The following CPXM2 variants were observed in gnomAD, a reference collection of about 807,000 sequenced individuals.
CPXM2 encodes carboxypeptidase X, M14 family member 2, also known as inactive carboxypeptidase-like protein X2.
In CPXM2, 66 loss-of-function variants were observed where a neutral mutation model predicts 86.1. The ratio of observed to expected loss-of-function variants is 0.77; its 90% CI spans 0.63 to 0.94. The LOEUF (loss-of-function observed/expected upper bound fraction) is 0.94. CPXM2 is among the 40% of genes least tolerant of loss of function. The pLI, the probability that CPXM2 is intolerant of heterozygous loss-of-function variation, is 0.00. For missense variants in CPXM2, 948 were observed against 1,026.3 expected (o/e 0.92, Z 1.04); for synonymous variants, 388 against 400.2 (o/e 0.97, Z 0.36).
At chr10:123,910,605 A>G (rs1047176421) in intron 2 of CPXM2, among the ~76,000 whole-genome samples, 1 of 152,188 alleles carries the variant, frequency 6.6e-6, no homozygotes, top group African/African-American at 2.4e-5. Context: ...ATCAGTTACT[A>G]GACATTTGCA....
chr10:123,925,294 C>T (rs1945614077), intron 2 of CPXM2, among the ~76,000 whole-genome samples: 1 of 152,068 alleles, frequency 6.6e-6, no homozygotes, highest in Non-Finnish European at 1.5e-5. Flanking sequence ...GGCTTGAAAG[C>T]TTGCTCAGTT....
chr10:123,869,776 CTCA>C (rs911739655), intron 2 of CPXM2, among the ~76,000 whole-genome samples: 11 of 151,862 alleles, frequency 7.2e-5, no homozygotes, highest in South Asian at 6.2e-4. Flanking sequence ...TTCATTAGTC[CTCA>C]TCATCATCAT....
intron 2 of CPXM2, among the ~76,000 whole-genome samples, chr10:123,930,203 C>T (rs76951710): frequency 6.6e-6 from 1 of 151,846 alleles, no homozygotes; most frequent in Non-Finnish European, 1.5e-5. Context: ...CCTGAGTACA[C>T]GTGGGCCCTG....
At chr10:123,843,246 C>T (rs1346236988) in intron 3 of CPXM2, 4 of 455,018 alleles carry the variant, frequency 8.8e-6, no homozygotes, top group Non-Finnish European at 1.3e-5. Context: ...ACCACCATGC[C>T]CTGCTCCAAA....
intron 2 of CPXM2, among the ~76,000 whole-genome samples, chr10:123,868,357 A>G (rs568313108): frequency 6.6e-6 from 1 of 152,328 alleles, no homozygotes; most frequent in East Asian, 1.9e-4. Flanking sequence ...TGAGGCAATC[A>G]GCAGCCAGAC....
chr10:123,811,889 A>C (rs1419727230), intron 4 of CPXM2, among the ~76,000 whole-genome samples: 1 of 152,230 alleles, frequency 6.6e-6, no homozygotes, highest in Admixed American at 6.5e-5. Flanking sequence ...CATCAGTGAA[A>C]GATAATGCTT....
chr10:123,752,397 A>G, intron 13 of CPXM2: 1 of 984,800 alleles, frequency 1.0e-6, no homozygotes, highest in Non-Finnish European at 1.2e-6. Context: ...AGAAATCAGT[A>G]ACTAGATGGG....
intron 6 of CPXM2, among the ~76,000 whole-genome samples, chr10:123,794,312 A>T (rs2134059149): frequency 6.6e-6 from 1 of 152,292 alleles, no homozygotes; most frequent in East Asian, 1.9e-4. Context: ...AAGACATCAA[A>T]GCCCCACACA....
upstream of CPXM2, among the ~76,000 whole-genome samples, chr10:123,942,983 C>G (rs1564828311): frequency 6.6e-6 from 1 of 152,138 alleles, no homozygotes; most frequent in Non-Finnish European, 1.5e-5. Context: ...CTGCACTGTT[C>G]AGTACAGTCA....
chr10:123,762,112 C>T lies in CPXM2; in HGVS notation c.1537G>A (p.Gly513Ser). 2.5e-6 allele frequency: 4 copies of T among 1,614,152 alleles called. No homozygotes were observed. Among genetic ancestry groups the T allele is most frequent in the African/African-American group, 1.3e-5 (1 of 75,036 alleles). ...AGCTCGCCGCCCTGCAGGTTGCCGC[C>T]CAGCACAAAAGGGATTTTTTCCATC... ...AWMEKIPFVL[G>S]GNLQGGELVV... Residue 513 changes from glycine to serine, a missense_variant, in exon 11 of 14, where the codon GGC (glycine) becomes AGC (serine). By Grantham distance (56) the Gly-to-Ser change is moderately conservative (BLOSUM62 0). Coordinates refer to ENST00000241305, the MANE Select transcript of CPXM2 (RefSeq NM_198148.3).
At chr10:123,813,491 G>A (rs1457270047) in intron 4 of CPXM2, among the ~76,000 whole-genome samples, 2 of 152,112 alleles carry the variant, frequency 1.3e-5, no homozygotes, top group Admixed American at 6.6e-5. Flanking sequence ...AACCTTTAGG[G>A]GTCCTTAAGC....
intron 4 of CPXM2, among the ~76,000 whole-genome samples, chr10:123,804,666 A>G (rs961540538): frequency 6.6e-6 from 1 of 152,018 alleles, no homozygotes; most frequent in Non-Finnish European, 1.5e-5. Flanking sequence ...ATTTCCAGTC[A>G]TTAGGTCCTC....
chr10:123,833,804 C>T (rs754386030), intron 4 of CPXM2, among the ~76,000 whole-genome samples: 5 of 152,174 alleles, frequency 3.3e-5, no homozygotes, highest in Non-Finnish European at 5.9e-5. Context: ...GAGCACATTT[C>T]GGCTTAGCTG....
intron 7 of CPXM2, among the ~76,000 whole-genome samples, chr10:123,778,147 G>T (rs1048477744): frequency 6.6e-6 from 1 of 152,020 alleles, no homozygotes; most frequent in Non-Finnish European, 1.5e-5. Context: ...TATCTTCCTC[G>T]TACAAGGCAA....
chr10:123,924,431 G>A (rs1256421453), intron 2 of CPXM2, among the ~76,000 whole-genome samples: 3 of 152,132 alleles, frequency 2.0e-5, no homozygotes, highest in African/African-American at 7.2e-5. Context: ...CTGGTTTCCT[G>A]GTTTCTGATG....
At chr10:123,927,598 G>T (rs1945634421) in intron 2 of CPXM2, among the ~76,000 whole-genome samples, 1 of 152,188 alleles carries the variant, frequency 6.6e-6, no homozygotes, top group Admixed American at 6.5e-5. Flanking sequence ...CCAAGCAAGT[G>T]AGCTCTGGAG....
intron 3 of CPXM2, among the ~76,000 whole-genome samples, chr10:123,844,046 G>T (rs900170678): frequency 6.6e-6 from 1 of 152,092 alleles, no homozygotes; most frequent in Non-Finnish European, 1.5e-5. Context: ...GGAATGGAGA[G>T]CTCTTCCCAA....
At chr10:123,788,469 C>T (rs1332094107) in intron 6 of CPXM2, among the ~76,000 whole-genome samples, 2 of 152,112 alleles carry the variant, frequency 1.3e-5, no homozygotes, top group Non-Finnish European at 2.9e-5. Context: ...AGGTTGCCTG[C>T]CCACGAAGGT....
chr10:123,918,853 C>T (rs773436299), intron 2 of CPXM2, among the ~76,000 whole-genome samples: 30 of 152,190 alleles, frequency 2.0e-4, no homozygotes, highest in Non-Finnish European at 3.7e-4. Flanking sequence ...GTGGGAAGGA[C>T]GTCTGTTATC....
Sources: gnomAD v4.1 joint callset for allele counts (sites outside exome capture counted in the v4.1 genomes callset) on GRCh38, gnomAD v4.1.1 for gene constraint, MANE v1.5 for transcripts, NCBI Gene and HGNC (gene_info 2026-07-23, HGNC 2026-07-21) for gene names.